Variants in VWF observed in about 807,000 individuals in gnomAD.
VWF encodes the protein Factor VIII related antigen.
VWF carries 176 observed loss-of-function variants against 308.6 expected under a neutral mutation model. The ratio of observed to expected loss-of-function variants is 0.57; its 90% confidence interval spans 0.50 to 0.65. The LOEUF (loss-of-function observed/expected upper bound fraction) is 0.65. VWF is among the 30% of genes least tolerant of loss of function. VWF has a pLI of 0.00. For synonymous variants in VWF, 1,385 were observed against 1,443.4 expected (o/e 0.96, Z 0.92); for missense variants, 3,146 against 3,648.2 (o/e 0.86, Z 3.55).
chr12:5,991,780 G>C (rs1046117641), intron 38 of VWF, 39 bp downstream of exon 38: 1 of 1,607,128 alleles, frequency 6.2e-7, no homozygotes, highest in African/African-American at 1.3e-5. Flanking sequence ...ACCCAAGAGG[G>C]AAGCAGCCCC....
At chr12:6,090,633 G>C (rs58849233) in intron 6 of VWF, among the ~76,000 whole-genome samples, 1,761 of 23,594 alleles carry the variant, frequency 0.075, 13 homozygotes, top group African/African-American at 0.19. Context: ...CCTCCTTCTC[G>C]TCCTCCTCCT....
chr12:5,991,988 T>C lies in VWF; in HGVS notation c.6629A>G (p.Asn2210Ser), dbSNP rs780993393. The C allele has an allele frequency of 1.2e-6, 2 of 1,614,176 alleles. No individual in the cohort carries two copies. Among genetic ancestry groups the C allele is most frequent in the African/African-American group, 1.3e-5 (1 of 75,048 alleles). ...CCGGGGACAGCCATGCTCACAGTGG[T>C]TGTAGACCAGAGATGGTGGGCATGA... Reference protein sequence around the residue: ...AMSCPPSLVYNHCEHGCPRHC... With the variant: ...AMSCPPSLVYSHCEHGCPRHC... The change falls in exon 38 of 52, where the codon AAC (asparagine) becomes AGC (serine). Residue 2210 changes from asparagine to serine, a missense_variant. Physicochemically the swap from Asn to Ser is conservative, Grantham distance 46. Transcript: ENST00000261405.
intron 6 of VWF, among the ~76,000 whole-genome samples, chr12:6,084,359 A>G (rs1158416552): frequency 6.6e-6 from 1 of 151,838 alleles, no homozygotes; most frequent in African/African-American, 2.4e-5. Flanking sequence ...TCTTCTTTCA[A>G]CTCCTGTCGG....
intron 38 of VWF, among the ~76,000 whole-genome samples, chr12:5,990,542 G>T (rs1943726923): frequency 6.6e-6 from 1 of 152,022 alleles, no homozygotes. Context: ...CACTCTACTT[G>T]GTCCACTTAG....
At chr12:5,964,274 G>GCATACATACATGCATACATACATACATA (rs1943369840) in intron 47 of VWF, among the ~76,000 whole-genome samples, 6 of 134,702 alleles carry the variant, frequency 4.5e-5, no homozygotes, top group African/African-American at 1.9e-4. Context: ...ATACATACAT[G>GCATACATACATGCATACATACATACATA]CATACATACA....
At chr12:6,123,368 AC>A (rs1389356479) in intron 1 of VWF, among the ~76,000 whole-genome samples, 172 bp from the exon 2 acceptor site, 2 of 151,098 alleles carry the variant, frequency 1.3e-5, no homozygotes, top group Non-Finnish European at 3.0e-5. Context: ...CCCCGAAAAA[AC>A]CCCTGGCCAG....
chr12:6,071,365 G>A, intron 9 of VWF, 22 bp from the exon 10 acceptor site: 1 of 1,613,990 alleles, frequency 6.2e-7, no homozygotes, highest in Non-Finnish European at 8.5e-7. Context: ...AAAAAGCACA[G>A]GTCATTGGTG....
chr12:6,011,557 A>G lies in VWF; in HGVS notation c.5842+60T>C, dbSNP rs573133742. On this transcript the variant is annotated intron_variant, in intron 34 of 51. Transcript: ENST00000261405. The stretch of plus-strand genomic sequence containing the variant: ...GGGTGCCTGCTCTACTTTTCTGCAC[A>G]GCCAAGCTAAAAGCACTGCCCCTTT... 50 of 1,500,646 alleles carry G rather than the reference A, an allele frequency of 3.3e-5. No individual in the cohort carries two copies. In the South Asian group the frequency reaches 5.3e-4, roughly 16 times the overall value. The allele number at this position is 1,500,646 out of a possible 1,614,324, so 93.0% of individuals were successfully genotyped here.
At chr12:5,981,688 T>G in intron 42 of VWF, 98 bp downstream of exon 42, 1 of 1,325,952 alleles carries the variant, frequency 7.5e-7, no homozygotes. Flanking sequence ...GATGGGTAGG[T>G]GGATGGATGA....
intron 35 of VWF, 57 bp downstream of exon 35, chr12:5,995,945 G>A (rs1943803126): frequency 6.4e-7 from 1 of 1,554,604 alleles, no homozygotes; most frequent in African/African-American, 1.4e-5. Flanking sequence ...ACCAGGTCCA[G>A]GTGGTTTTCC....
Position 6,018,623 on chromosome 12 carries a change from G to A in VWF, c.4795C>T (p.Gln1599Ter), listed in dbSNP as rs1944090366. The A allele has an allele frequency of 1.2e-6, 2 of 1,613,948 alleles. No homozygotes were observed. The highest frequency in any genetic ancestry group is 1.3e-5 in the African/African-American group (1 of 74,920). Residue 1599 changes from glutamine (Q) to a stop codon, truncating the protein, a stop_gained, in exon 28 of 52, where the codon CAG becomes TAG. Coordinates refer to ENST00000261405, the MANE Select transcript of VWF (RefSeq NM_000552.5). LOFTEE classifies it high-confidence loss of function. Reference sequence around the variant, plus strand: ...ACCATGTAGACCAGGTTGGGCGCCTGCTCCCGGTCACCCTGGCTGACCAAG... The same window carrying A: ...ACCATGTAGACCAGGTTGGGCGCCTACTCCCGGTCACCCTGGCTGACCAAG... ...SFLVSQGDRE[Q>*]APNLVYMVTG... is the part of the protein sequence containing the mutation.
chr12:6,081,630 AC>A (rs1944911343), intron 6 of VWF, among the ~76,000 whole-genome samples: 1 of 152,112 alleles, frequency 6.6e-6, no homozygotes, highest in Non-Finnish European at 1.5e-5. Flanking sequence ...GAGCCACGGC[AC>A]CTGGCCTAAG....
At chr12:6,092,616 A>AGTGAGAGAGAGAGAGAGAGAGAGAGAGT (rs796249343) in intron 6 of VWF, among the ~76,000 whole-genome samples, 2 of 96,622 alleles carry the variant, frequency 2.1e-5, no homozygotes, top group African/African-American at 5.4e-5. Flanking sequence ...TGAGTGAGTG[A>AGTGAGAGAGAGAGAGAGAGAGAGAGAGT]GAGTGTGTGT....
At position 5,976,296 on chromosome 12, in the gene VWF, T is replaced by C. The variant is rs192018597; in HGVS notation, c.7288-36A>G. The C allele has an allele frequency of 1.9e-6, 3 of 1,613,962 alleles. No homozygotes were observed. In the East Asian group the frequency reaches 6.7e-5, roughly 36 times the overall value. On this transcript the variant is annotated intron_variant, in intron 42 of 51. Coordinates refer to ENST00000261405, the MANE Select transcript of VWF (RefSeq NM_000552.5). ...AAGTTTTCGTGAGTGAACTCATTTG[T>C]TTCATTGAAACAAGCGGTGAGTTAG...
intron 38 of VWF, among the ~76,000 whole-genome samples, chr12:5,989,893 C>T (rs764212169): frequency 3.3e-4 from 51 of 152,316 alleles, no homozygotes; most frequent in Non-Finnish European, 4.1e-4. Context: ...TAAAACCGGT[C>T]TGAAATTACC....
intron 34 of VWF, among the ~76,000 whole-genome samples, chr12:5,999,564 T>C (rs1011968469): frequency 6.6e-6 from 1 of 151,604 alleles, no homozygotes; most frequent in Non-Finnish European, 1.5e-5. Context: ...AGAAATCTTG[T>C]AAAACCCAAA....
intron 18 of VWF, among the ~76,000 whole-genome samples, chr12:6,042,129 G>C (rs1944402890): frequency 6.6e-6 from 1 of 152,188 alleles, no homozygotes; most frequent in Admixed American, 6.5e-5. Context: ...GATTGCACAA[G>C]AGCATGGAGT....
At chr12:5,968,638 A>G (rs905082209) in intron 45 of VWF, among the ~76,000 whole-genome samples, 3 of 152,118 alleles carry the variant, frequency 2.0e-5, no homozygotes, top group Admixed American at 2.0e-4. Context: ...TCTACTAGAA[A>G]TACAAAAATT....
rs776996931 is a variant in VWF at position 5,971,685 on chromosome 12, C to G, written c.7462G>C (p.Gly2488Arg). ...GGCAGGCACCTTCCACAGCACTCGCCTTCATGCAGAACGTAAGTGAAGCCC... is the reference window on the plus strand; with the variant it reads ...GGCAGGCACCTTCCACAGCACTCGCGTTCATGCAGAACGTAAGTGAAGCCC... ...RSGFTYVLHE[G>R]ECCGRCLPSA... is the part of the protein sequence containing the mutation. The change falls in exon 44 of 52, where the codon GGC (glycine) becomes CGC (arginine). Residue 2488 changes from glycine (G) to arginine (R), a missense_variant. Around this residue, in one of 3 missense-constraint regions of VWF, gnomAD observed 989 missense variants for 1,117.4 expected, o/e 0.89. Coordinates refer to ENST00000261405, the MANE Select transcript of VWF (RefSeq NM_000552.5). The G allele has an allele frequency of 6.2e-7, 1 of 1,614,202 alleles. No individual in the cohort carries two copies. The highest frequency in any genetic ancestry group is 1.1e-5 in the South Asian group (1 of 91,086).
Sources: allele counts gnomAD v4.1 joint callset (sites outside exome capture counted in the v4.1 genomes callset), GRCh38; gene constraint gnomAD v4.1.1; regional missense constraint gnomAD v4.1.1; transcripts MANE v1.5; gene names NCBI Gene and HGNC (gene_info 2026-07-23, HGNC 2026-07-21).